Variants in TDRD12 observed in about 807,000 individuals in gnomAD.
TDRD12 encodes the protein tudor domain containing 12, also known as putative ATP-dependent RNA helicase TDRD12.
TDRD12 carries 158 observed loss-of-function variants against 133.5 expected under a neutral mutation model. The ratio of observed to expected loss-of-function variants is 1.18; its 90% CI spans 1.04 to 1.35. The LOEUF is 1.35. TDRD12 is among the 40% of genes most tolerant of loss of function. TDRD12 has a pLI of 0.00. For synonymous variants in TDRD12, 460 were observed against 477.9 expected, an observed-to-expected ratio of 0.96 and a Z score of 0.49; for missense variants, 1,443 against 1,321.3, an observed-to-expected ratio of 1.09 and a Z score of -1.43.
At chr19:32,721,047 C>T (rs1175062682) in intron 1 of TDRD12, among the ~76,000 whole-genome samples, 4 of 152,022 alleles carry the variant, frequency 2.6e-5, no homozygotes, top group African/African-American at 9.7e-5. Flanking sequence ...TGGACAGGGT[C>T]GGGTGGCCCG....
intron 21 of TDRD12, among the ~76,000 whole-genome samples, chr19:32,806,241 T>C (rs1328077805): frequency 6.6e-6 from 1 of 152,162 alleles, no homozygotes; most frequent in African/African-American, 2.4e-5. Context: ...GCTGCTGGAT[T>C]GAATTTAAAG....
exon 16 of TDRD12, chr19:32,798,348 T>G: frequency 6.5e-7 from 1 of 1,535,832 alleles, no homozygotes; most frequent in Non-Finnish European, 8.7e-7. Context: ...TGCTGAGGCT[T>G]CTCGCCTGTC....
rs1375526682 is a variant in TDRD12 at position 32,803,162 on chromosome 19, C to A, written c.2552+20C>A. The A allele has an allele frequency of 6.8e-7, 1 of 1,480,388 alleles. No individual in the cohort carries two copies. Among genetic ancestry groups the A allele is most frequent in the Non-Finnish European group, 9.0e-7 (1 of 1,113,360 alleles). The allele number at this position is 1,480,388 out of a possible 1,614,324, so 91.7% of individuals were successfully genotyped here. ...TTGCAAGTGAGCCAGTAATTTGTTT[C>A]TTATTAAACTGATGTATAACCTGCA... On this transcript the variant is annotated intron_variant, in intron 21 of 27. Transcript: ENST00000444215.
chr19:32,740,547 C>T (rs749508723), intron 3 of TDRD12, among the ~76,000 whole-genome samples: 40 of 151,952 alleles, frequency 2.6e-4, no homozygotes, highest in East Asian at 1.2e-3. Flanking sequence ...CTCTGCATCT[C>T]CTGGGGTTCT....
chr19:32,756,519 CT>C, intron 7 of TDRD12, among the ~76,000 whole-genome samples: 1 of 152,162 alleles, frequency 6.6e-6, no homozygotes, highest in Middle Eastern at 3.4e-3. Flanking sequence ...TCCCGAGTAG[CT>C]GGGACTACAG....
chr19:32,818,063 A>G (rs1163871982), intron 26 of TDRD12, 26 bp from the exon 27 acceptor site: 2 of 702,642 alleles, frequency 2.8e-6, no homozygotes, highest in Middle Eastern at 2.3e-4. Flanking sequence ...ATTATTTGCA[A>G]ATGAAGTCTG....
intron 9 of TDRD12, 72 bp downstream of exon 32, chr19:32,826,821 T>G: frequency 1.0e-6 from 1 of 978,134 alleles, no homozygotes; most frequent in East Asian, 3.3e-5. Context: ...ATCACCCACT[T>G]AGGAATTCAG....
rs1397375371 is a variant in TDRD12, at chr19:32,798,485, A to G, written c.1758+50A>G. 1.1e-5 allele frequency: 16 copies of G among 1,429,048 alleles called. No homozygotes were observed. The East Asian group carries it at 3.8e-4, about 34-fold the overall frequency. The allele number at this position is 1,429,048 out of a possible 1,614,324, so 88.5% of individuals were successfully genotyped here. ...CACTCAGAAGAGAGGCGTGATTAAC[A>G]TGCTAACTGATGGCAGGAAGGAGGA... On this transcript the variant is annotated intron_variant, in intron 16 of 27. Coordinates refer to ENST00000444215, the Ensembl canonical transcript of TDRD12.
chr19:32,732,225 G>A (rs900454188), intron 2 of TDRD12, among the ~76,000 whole-genome samples: 2 of 152,114 alleles, frequency 1.3e-5, no homozygotes, highest in African/African-American at 4.8e-5. Flanking sequence ...GGCTGGTCTC[G>A]AACTCCAGAC....
At chr19:32,731,104 T>C (rs1969036944) in intron 1 of TDRD12, among the ~76,000 whole-genome samples, 1 of 152,178 alleles carries the variant, frequency 6.6e-6, no homozygotes, top group Non-Finnish European at 1.5e-5. Flanking sequence ...CATAACAAAA[T>C]ACATTCCAGG....
intron 1 of TDRD12, among the ~76,000 whole-genome samples, chr19:32,729,475 C>T (rs1968972139): frequency 6.6e-6 from 1 of 151,712 alleles, no homozygotes; most frequent in Non-Finnish European, 1.5e-5. Context: ...TCTCGGCCTC[C>T]CAAAGTGCTG....
intron 3 of TDRD12, among the ~76,000 whole-genome samples, chr19:32,742,149 C>A (rs1969446967): frequency 1.4e-5 from 2 of 141,822 alleles, no homozygotes. Context: ...ACCTAAGGAG[C>A]CTTATTAGAC....
chr19:32,827,322 C>A, exon 10 of TDRD12: 1 of 1,021,414 alleles, frequency 9.8e-7, no homozygotes, highest in Non-Finnish European at 1.2e-6. Context: ...GCCATGTGAC[C>A]GACAGTTAAG....
intron 21 of TDRD12, 31 bp from the exon 22 acceptor site, chr19:32,807,518 C>T: frequency 7.2e-7 from 1 of 1,397,674 alleles, no homozygotes; most frequent in Non-Finnish European, 9.5e-7. Context: ...TTATTACTTA[C>T]TTATGATAAG....
chr19:32,748,201 G>A (rs1969711998), intron 4 of TDRD12, among the ~76,000 whole-genome samples: 1 of 152,152 alleles, frequency 6.6e-6, no homozygotes. Flanking sequence ...TGGTGGTGGT[G>A]TGACAGACAG....
chr19:32,728,811 A>ATT (rs34126241), intron 1 of TDRD12, among the ~76,000 whole-genome samples: 2 of 115,918 alleles, frequency 1.7e-5, no homozygotes, highest in African/African-American at 3.3e-5. Flanking sequence ...ACACCTGGCT[A>ATT]TTTTTTTTTT....
intron 17 of TDRD12, 72 bp downstream of exon 17, chr19:32,800,430 A>T (rs1475775742): frequency 2.4e-5 from 29 of 1,196,418 alleles, no homozygotes; most frequent in Admixed American, 3.1e-5. Context: ...TGATGAACAC[A>T]AGCAAGTAAC....
downstream of TDRD12, chr19:32,821,355 G>A: frequency 1.8e-6 from 1 of 566,822 alleles, no homozygotes; most frequent in Non-Finnish European, 3.2e-6. Context: ...GATGTTAAGT[G>A]AACAGCTCAG....
At position 32,757,041 on chromosome 19, in the gene TDRD12, C is replaced by G; in HGVS notation, c.776C>G (p.Ser259Ter). The change falls in exon 8 of 28, where the codon TCA (serine) becomes TGA (stop). Residue 259 changes from serine (S) to a stop codon, truncating the protein, a stop_gained. Coordinates refer to ENST00000444215, the Ensembl canonical transcript of TDRD12. LOFTEE classifies it high-confidence loss of function. Reference sequence around the variant, plus strand: ...TGAAATTTATTCTTTCTATCAGATTCACATGGTGTAAATTTTCCGGCACAA... The same window carrying G: ...TGAAATTTATTCTTTCTATCAGATTGACATGGTGTAAATTTTCCGGCACAA... 2 of 1,551,146 alleles carry G rather than the reference C, an allele frequency of 1.3e-6. No homozygotes were observed. Among genetic ancestry groups the G allele is most frequent in the South Asian group, 2.4e-5 (2 of 84,036 alleles).
Sources: allele counts gnomAD v4.1 joint callset (sites outside exome capture counted in the v4.1 genomes callset), GRCh38; gene constraint gnomAD v4.1.1; transcripts MANE v1.5; gene names NCBI Gene and HGNC (gene_info 2026-07-23, HGNC 2026-07-21).